The following NR1D2 variants were observed in gnomAD, a reference collection of about 807,000 sequenced individuals.
NR1D2 encodes the protein V-erbA-related protein 1-related.
In NR1D2, 25 loss-of-function variants were observed where a neutral mutation model predicts 52.2. That is an observed-to-expected ratio of 0.48 (90% CI 0.35 to 0.67). The LOEUF is 0.67. NR1D2 is among the 30% of genes least tolerant of loss of function. NR1D2 has a pLI of 0.01. For synonymous variants in NR1D2, 259 were observed against 230.1 expected (o/e 1.13, Z -1.14); for missense variants, 681 against 707.2 (o/e 0.96, Z 0.42).
chr3:23,952,920 A>G (rs1007415679), intron 1 of NR1D2, among the ~76,000 whole-genome samples: 1 of 150,480 alleles, frequency 6.6e-6, no homozygotes, highest in South Asian at 2.1e-4. Context: ...TATCTACTAC[A>G]TGACAGACTA....
rs140842865 is a variant in NR1D2 at position 23,980,244 on chromosome 3, C to T, written c.*2825C>T. ...GCTCAGCTAGATTTATTACTGTGCA[C>T]GAAAGTAAATACCTATCTCAATTAT... On this transcript the variant is annotated 3_prime_UTR_variant, in exon 8 of 8. Coordinates refer to ENST00000312521, the MANE Select transcript of NR1D2 (RefSeq NM_005126.5). 4 of 152,086 alleles carry T rather than the reference C, an allele frequency of 2.6e-5. No homozygotes were observed. The highest frequency in any genetic ancestry group is 4.8e-5 in the African/African-American group (2 of 41,488). The allele number at this position is 152,086 out of a possible 1,614,324, so 9.4% of individuals were successfully genotyped here.
Position 23,962,557 on chromosome 3 carries a change from T to A in NR1D2, c.1098T>A (p.Asn366Lys), listed in dbSNP as rs1302304374. ...DRVPIDGFSQNENKNSYLCNT... is the reference protein window; with the variant it reads ...DRVPIDGFSQKENKNSYLCNT... ...TTCCGATAGATGGATTTTCTCAGAA[T>A]GAGAACAAGAATAGTTACCTGTGCA... Residue 366 changes from asparagine to lysine, a missense_variant, in exon 5 of 8, where the codon AAT (asparagine) becomes AAA (lysine). Asn to Lys is a moderately conservative substitution (Grantham distance 94). Transcript: ENST00000312521. 5.0e-6 allele frequency: 8 copies of A among 1,613,232 alleles called. No homozygotes were observed. Among genetic ancestry groups the A allele is most frequent in the African/African-American group, 1.3e-5 (1 of 75,042 alleles).
At chr3:23,958,453 T>G (rs188792405) in intron 3 of NR1D2, among the ~76,000 whole-genome samples, 2 of 152,138 alleles carry the variant, frequency 1.3e-5, no homozygotes, top group East Asian at 3.9e-4. Flanking sequence ...GAGACCCACC[T>G]GGGCAACATA....
intron 7 of NR1D2, 37 bp downstream of exon 7, chr3:23,968,060 A>G (rs1156819049): frequency 1.3e-6 from 2 of 1,533,476 alleles, no homozygotes; most frequent in East Asian, 2.3e-5. Context: ...CACACCTAGC[A>G]TATAGTGACC....
Position 23,977,811 on chromosome 3 carries a change from A to G in NR1D2, c.*392A>G, listed in dbSNP as rs1706773521. The stretch of plus-strand genomic sequence containing the variant: ...TTTGTGGTAGGAGTTCTGTTGAATG[A>G]TGGAAATCTTATTACTACCACAAGA... On this transcript the variant is annotated 3_prime_UTR_variant, in exon 8 of 8. Transcript: ENST00000312521. 1 of 154,072 alleles carries G rather than the reference A, an allele frequency of 6.5e-6. No individual in the cohort carries two copies. Among genetic ancestry groups the G allele is most frequent in the Admixed American group, 6.5e-5 (1 of 15,410 alleles). The allele number at this position is 154,072 out of a possible 1,614,324, so 9.5% of individuals were successfully genotyped here. A position where few individuals can be genotyped will look rare whatever the true frequency, so the allele number is the denominator to read the frequency against.
chr3:23,957,772 T>C (rs1377632445), intron 3 of NR1D2, among the ~76,000 whole-genome samples: 4 of 152,122 alleles, frequency 2.6e-5, no homozygotes, highest in African/African-American at 7.2e-5. Context: ...ATTCTTACTT[T>C]ATAGCTAGAA....
At position 23,979,901 on chromosome 3, in the gene NR1D2, TGTG is replaced by T. The variant is rs1706833795; in HGVS notation, c.*2484_*2486del. On this transcript the variant is annotated 3_prime_UTR_variant, in exon 8 of 8. Coordinates refer to ENST00000312521, the MANE Select transcript of NR1D2 (RefSeq NM_005126.5). ...TTGATTTTACATTTTAAAGTTAAAATGTGGGCATTATGTCAGCAAACTTAAGGG... is the reference window on the plus strand; with the variant it reads ...TTGATTTTACATTTTAAAGTTAAAATGGCATTATGTCAGCAAACTTAAGGG... The T allele has an allele frequency of 6.6e-6, 1 of 152,152 alleles. No individual in the cohort carries two copies. The highest frequency in any genetic ancestry group is 6.5e-5 in the Admixed American group (1 of 15,278). The allele number at this position is 152,152 out of a possible 1,614,324, so 9.4% of individuals were successfully genotyped here. A position where few individuals can be genotyped will look rare whatever the true frequency, so the allele number is the denominator to read the frequency against.
intron 7 of NR1D2, among the ~76,000 whole-genome samples, chr3:23,971,495 C>G (rs1035514553): frequency 6.6e-6 from 1 of 151,794 alleles, no homozygotes; most frequent in African/African-American, 2.4e-5. Flanking sequence ...TCTTGAACTC[C>G]TGACCTTAGG....
rs145982303 is a variant in NR1D2, at chr3:23,962,328, A to G, written c.869A>G (p.Asn290Ser). 3.1e-6 allele frequency: 5 copies of G among 1,614,200 alleles called. No individual in the cohort carries two copies. The South Asian group carries it at 3.3e-5, about 11-fold the overall frequency. ...QPQRGERIPKNMEQYNLNHDH... is the reference protein window; with the variant it reads ...QPQRGERIPKSMEQYNLNHDH... ...CAGAGAGGAGAACGGATTCCCAAGA[A>G]CATGGAGCAATATAATTTAAATCAT... is the stretch of plus-strand genomic sequence containing the variant. Residue 290 changes from asparagine (N) to serine (S), a missense_variant, in exon 5 of 8, where the codon AAC becomes AGC. Asn to Ser is a conservative substitution (Grantham distance 46). Transcript: ENST00000312521.
chr3:23,973,042 C>T (rs925558189), intron 7 of NR1D2, among the ~76,000 whole-genome samples: 2 of 152,126 alleles, frequency 1.3e-5, no homozygotes, highest in Non-Finnish European at 2.9e-5. Context: ...GTGTGACTTC[C>T]TACACCTGTC....
In NR1D2 at chr3:23,954,650, C is replaced by T; in HGVS notation, c.130C>T (p.Pro44Ser). 6.2e-7 allele frequency: 1 copy of T among 1,614,114 alleles called. No individual in the cohort carries two copies. Among genetic ancestry groups the T allele is most frequent in the Non-Finnish European group, 8.5e-7 (1 of 1,179,984 alleles). ...CTCCTCCTCTTCTGTTCCATCTTCT[C>T]CAAATAGCTCTAATTCTGATACCAA... ...QSSSSSVPSS[P>S]NSSNSDTNGN... Residue 44 changes from proline to serine, a missense_variant, in exon 2 of 8, where the codon CCA becomes TCA. By Grantham distance (74) the Pro-to-Ser change is moderately conservative (BLOSUM62 -1). Around this residue, in one of 3 missense-constraint regions of NR1D2, gnomAD observed 94 missense variants for 90.4 expected, o/e 1.04. Coordinates refer to ENST00000312521, the MANE Select transcript of NR1D2 (RefSeq NM_005126.5).
intron 4 of NR1D2, among the ~76,000 whole-genome samples, chr3:23,960,725 A>G (rs956986006): frequency 1.3e-5 from 2 of 152,206 alleles, no homozygotes; most frequent in Non-Finnish European, 1.5e-5. Flanking sequence ...CTAATGCTAT[A>G]AAAATAGTTG....
intron 1 of NR1D2, among the ~76,000 whole-genome samples, chr3:23,952,651 G>A (rs1575146798): frequency 6.6e-6 from 1 of 151,786 alleles, no homozygotes. Context: ...GCATGAACCC[G>A]GGAGGCGGAG....
Position 23,956,132 on chromosome 3 carries a change from C to T in NR1D2, c.372+7C>T. The T allele has an allele frequency of 1.9e-6, 3 of 1,608,470 alleles. No individual in the cohort carries two copies. Among genetic ancestry groups the T allele is most frequent in the African/African-American group, 2.7e-5 (2 of 74,878 alleles). ...TGCTTGCGAAGGCTGTAAGGTAAAG[C>T]ATGCTTTTGTTTCTTTAAGCTACTG... On this transcript the variant is annotated splice_region_variant and intron_variant, in intron 3 of 7. Transcript: ENST00000312521.
intron 1 of NR1D2, among the ~76,000 whole-genome samples, chr3:23,948,907 T>C (rs1030944010): frequency 2.0e-5 from 3 of 152,230 alleles, no homozygotes; most frequent in African/African-American, 4.8e-5. Context: ...TGCAGTGATA[T>C]ATGTAGGTTA....
At chr3:23,950,528 A>G (rs967982512) in intron 1 of NR1D2, among the ~76,000 whole-genome samples, 6 of 152,346 alleles carry the variant, frequency 3.9e-5, no homozygotes, top group South Asian at 4.1e-4. Context: ...CTTTTCTTCT[A>G]AGAAATTAAA....
At chr3:23,974,370 G>A (rs910711762) in intron 7 of NR1D2, among the ~76,000 whole-genome samples, 3 of 151,930 alleles carry the variant, frequency 2.0e-5, no homozygotes, top group African/African-American at 4.8e-5. Context: ...ATGATGTTAC[G>A]ACAACAAAAG....
At position 23,962,305 on chromosome 3, in the gene NR1D2, G is replaced by C; in HGVS notation, c.846G>C (p.Gln282His). The C allele has an allele frequency of 6.2e-7, 1 of 1,614,198 alleles. No homozygotes were observed. Among genetic ancestry groups the C allele is most frequent in the Non-Finnish European group, 8.5e-7 (1 of 1,180,044 alleles). ...QENSAESMQP[Q>H]RGERIPKNME... ...ACTCAGCTGAGAGCATGCAGCCCCA[G>C]AGAGGAGAACGGATTCCCAAGAACA... Residue 282 changes from glutamine to histidine, a missense_variant, in exon 5 of 8, where the codon CAG (glutamine) becomes CAC (histidine). Gln to His is a conservative substitution (Grantham distance 24). Coordinates refer to ENST00000312521, the MANE Select transcript of NR1D2 (RefSeq NM_005126.5).
At chr3:23,970,429 A>G (rs1575158884) in intron 7 of NR1D2, among the ~76,000 whole-genome samples, 2 of 152,328 alleles carry the variant, frequency 1.3e-5, no homozygotes, top group East Asian at 3.9e-4. Context: ...CTGATTATAA[A>G]TTTAATATGG....
Sources: gnomAD v4.1 joint callset for allele counts (sites outside exome capture counted in the v4.1 genomes callset) on GRCh38, gnomAD v4.1.1 for gene constraint, gnomAD v4.1.1 regional missense constraint, MANE v1.5 for transcripts, NCBI Gene and HGNC (gene_info 2026-07-23, HGNC 2026-07-21) for gene names.